Variants in CDH20 observed in about 807,000 individuals in gnomAD.
The protein encoded by CDH20 is cadherin-20.
A neutral mutation model predicts 74.2 loss-of-function variants in CDH20; 29 were observed. The ratio of observed to expected loss-of-function variants is 0.39; its 90% CI spans 0.29 to 0.53. The LOEUF (loss-of-function observed/expected upper bound fraction) is 0.53, where lower values mean the gene tolerates loss of function less well. CDH20 is among the 20% of genes least tolerant of loss of function. The pLI, the probability that CDH20 is intolerant of heterozygous loss-of-function variation, is 0.69. For missense variants in CDH20, 988 were observed against 1,048.3 expected (o/e 0.94, Z 0.79); for synonymous variants, 469 against 405.4 (o/e 1.16, Z -1.88).
rs1280197674 is a variant in CDH20 at position 61,404,719 on chromosome 18, T to C, written c.-153+70892T>C. 16 of 302,066 alleles carry C rather than the reference T, an allele frequency of 5.3e-5. No individual in the cohort carries two copies. The East Asian group carries it at 9.0e-4, about 17-fold the overall frequency. The allele number at this position is 302,066 out of a possible 1,614,324, so 18.7% of individuals were successfully genotyped here. On this transcript the variant is annotated intron_variant, in intron 1 of 11. Transcript: ENST00000262717. ...GATACAGAGATGGGACCTTTAAAAA[T>C]GGAGCATGAAAAAAGAGACCCTTTT...
chr18:61,468,624 T>A (rs1369051161), intron 1 of CDH20, among the ~76,000 whole-genome samples: 1 of 152,208 alleles, frequency 6.6e-6, no homozygotes, highest in Non-Finnish European at 1.5e-5. Context: ...GTCACTACAG[T>A]GCAACTGGCT....
rs758670954 is a variant in CDH20 at position 61,432,580 on chromosome 18, A to G, written c.-152-57822A>G. 3.4e-4 allele frequency among the ~76,000 whole-genome samples: 52 copies of G among 152,318 alleles called. 1 individual carries two copies. Among genetic ancestry groups the G allele is most frequent in the Non-Finnish European group, 2.4e-4 (16 of 68,030 alleles). On this transcript the variant is annotated intron_variant, in intron 1 of 11. Coordinates refer to ENST00000262717, the MANE Select transcript of CDH20 (RefSeq NM_031891.4). ...CCACAGTTGAAAGTACTCTAAACGT[A>G]TAGAGGTCCCTTTCCCAAACCCTTG...
At chr18:61,483,373 A>G (rs566588473) in intron 1 of CDH20, among the ~76,000 whole-genome samples, 1 of 152,296 alleles carries the variant, frequency 6.6e-6, no homozygotes, top group South Asian at 2.1e-4. Flanking sequence ...GGCTCCGGTG[A>G]AAGGTGATAG....
intron 8 of CDH20, among the ~76,000 whole-genome samples, chr18:61,537,810 G>T (rs1050356213): frequency 6.6e-6 from 1 of 152,118 alleles, no homozygotes. Flanking sequence ...AGCAATAGAA[G>T]TATTTAGGGG....
intron 1 of CDH20, among the ~76,000 whole-genome samples, chr18:61,396,922 T>A (rs1912000835): frequency 6.6e-6 from 1 of 152,198 alleles, no homozygotes; most frequent in Non-Finnish European, 1.5e-5. Context: ...CTGAGACATC[T>A]CTCATTGCTG....
rs915365777 is a variant in CDH20, at chr18:61,402,868, T to C, written c.-153+69041T>C. Among the ~76,000 whole-genome samples the C allele has an allele frequency of 2.0e-5, 3 of 152,200 alleles. No homozygotes were observed. In the East Asian group the frequency reaches 5.8e-4, roughly 29 times the overall value. ...AGTAGTTGGCAGAGTAAATCCATGT[T>C]ATCGTGCATTCTGAAGCAGTTCAGC... On this transcript the variant is annotated intron_variant, in intron 1 of 11. Coordinates refer to ENST00000262717, the MANE Select transcript of CDH20 (RefSeq NM_031891.4).
At chr18:61,460,526 A>G (rs1461052969) in intron 1 of CDH20, among the ~76,000 whole-genome samples, 2 of 152,146 alleles carry the variant, frequency 1.3e-5, no homozygotes, top group African/African-American at 4.8e-5. Flanking sequence ...CCACCACTAC[A>G]AAGGCTGTAC....
intron 6 of CDH20, among the ~76,000 whole-genome samples, chr18:61,515,696 G>A (rs532472369): frequency 1.5e-4 from 21 of 144,422 alleles, no homozygotes; most frequent in South Asian, 9.0e-4. Flanking sequence ...ACCAAACACT[G>A]CATATTCTCA....
intron 10 of CDH20, 33 bp downstream of exon 10, chr18:61,545,177 T>C (rs1238718088): frequency 3.6e-6 from 5 of 1,384,598 alleles, no homozygotes; most frequent in Non-Finnish European, 5.2e-6. Context: ...ATCTGTGCTT[T>C]TCTACAGCAT....
chr18:61,501,260 G>A (rs773785879), intron 4 of CDH20, among the ~76,000 whole-genome samples: 1 of 148,144 alleles, frequency 6.8e-6, no homozygotes, highest in South Asian at 2.1e-4. Context: ...TGTCTTACCC[G>A]AGAGCTTTGA....
At chr18:61,414,384 A>G (rs1160467002) in intron 1 of CDH20, among the ~76,000 whole-genome samples, 3 of 152,192 alleles carry the variant, frequency 2.0e-5, no homozygotes, top group Non-Finnish European at 4.4e-5. Context: ...TTCGTCTCCT[A>G]TGACCCTCAC....
intron 9 of CDH20, among the ~76,000 whole-genome samples, chr18:61,541,938 G>C (rs1329256806): frequency 6.6e-6 from 1 of 152,066 alleles, no homozygotes; most frequent in Non-Finnish European, 1.5e-5. Flanking sequence ...GAGAGCAGGA[G>C]AGCGGGCCAT....
chr18:61,344,341 G>A (rs1316068374), intron 1 of CDH20, among the ~76,000 whole-genome samples: 4 of 152,122 alleles, frequency 2.6e-5, no homozygotes, highest in Admixed American at 2.6e-4. Flanking sequence ...TGAAGTCACA[G>A]AGAAGATAAA....
intron 1 of CDH20, among the ~76,000 whole-genome samples, chr18:61,428,335 T>C (rs918418531): frequency 6.6e-6 from 1 of 152,142 alleles, no homozygotes; most frequent in African/African-American, 2.4e-5. Context: ...ACCAAAGAAG[T>C]GTAGGCGGCC....
At chr18:61,334,105 C>G (rs1164111769) in intron 1 of CDH20, among the ~76,000 whole-genome samples, 1 of 151,998 alleles carries the variant, frequency 6.6e-6, no homozygotes, top group Non-Finnish European at 1.5e-5. Context: ...AGGTGGAGGA[C>G]GTGGCGCGCT....
rs115875960 is a variant in CDH20, at chr18:61,547,957, C to T, written c.1649-2021C>T. ...GTAGGTATAATACTTTTATGAATTTCGGCTCTAGTCAGACTTTCTAAAAGT... is the reference window on the plus strand; with the variant it reads ...GTAGGTATAATACTTTTATGAATTTTGGCTCTAGTCAGACTTTCTAAAAGT... On this transcript the variant is annotated intron_variant, in intron 10 of 11. Coordinates refer to ENST00000262717, the MANE Select transcript of CDH20 (RefSeq NM_031891.4). Among the ~76,000 whole-genome samples the T allele has an allele frequency of 2.2e-3, 334 of 152,162 alleles. 2 individuals carry two copies. Among genetic ancestry groups the T allele is most frequent in the African/African-American group, 7.7e-3 (320 of 41,494 alleles).
At chr18:61,395,082 T>C (rs527417673) in intron 1 of CDH20, among the ~76,000 whole-genome samples, 2 of 152,174 alleles carry the variant, frequency 1.3e-5, no homozygotes, top group South Asian at 4.2e-4. Flanking sequence ...CTTCTTCCTC[T>C]TCCCCTTGCA....
At chr18:61,474,556 A>G (rs1369351540) in intron 1 of CDH20, among the ~76,000 whole-genome samples, 1 of 152,054 alleles carries the variant, frequency 6.6e-6, no homozygotes, top group Non-Finnish European at 1.5e-5. Context: ...TCGGGATTCT[A>G]CTCTTTTAAT....
In CDH20 at chr18:61,527,955, AT is replaced by A; in HGVS notation, c.1018-10del. On this transcript the variant is annotated splice_polypyrimidine_tract_variant and intron_variant, in intron 6 of 11. Transcript: ENST00000262717. ...TCAGTGGCGAATCAATTTTCCTGTCATTGCTTTTCAGCCCCTGAGTTTTGAA... is the reference window on the plus strand; with the variant it reads ...TCAGTGGCGAATCAATTTTCCTGTCATGCTTTTCAGCCCCTGAGTTTTGAA... 4 of 1,613,726 alleles carry A rather than the reference AT, an allele frequency of 2.5e-6. No homozygotes were observed. The highest frequency in any genetic ancestry group is 3.4e-6 in the Non-Finnish European group (4 of 1,179,758).
Sources: gnomAD v4.1 joint callset for allele counts (sites outside exome capture counted in the v4.1 genomes callset) on GRCh38, gnomAD v4.1.1 for gene constraint, MANE v1.5 for transcripts, NCBI Gene and HGNC (gene_info 2026-07-23, HGNC 2026-07-21) for gene names.